Variants in MAB21L2 observed in about 807,000 individuals in gnomAD.
The protein encoded by MAB21L2 is mab-21 like 2.
A neutral mutation model predicts 29.8 loss-of-function variants in MAB21L2; 15 were observed. The ratio of observed to expected loss-of-function variants is 0.50; its 90% CI spans 0.34 to 0.78. MAB21L2 has a LOEUF of 0.78. Ranked by LOEUF, MAB21L2 falls within the 30% of genes least tolerant of loss-of-function variation. The probability of loss-of-function intolerance (pLI) is 0.01; values close to 1 mark genes in which losing one functional copy is unlikely to be tolerated. For missense variants in MAB21L2, 321 were observed against 480.1 expected (o/e 0.67, Z 3.10); for synonymous variants, 218 against 210.4 (o/e 1.04, Z -0.31).
In MAB21L2 at chr4:150,583,890, A is replaced by G. The variant is rs1367041488; in HGVS notation, c.861A>G (p.Arg287=). 6.2e-7 allele frequency: 1 copy of G among 1,613,542 alleles called. No homozygotes were observed. Among genetic ancestry groups the G allele is most frequent in the African/African-American group, 1.3e-5 (1 of 75,040 alleles). ...LLLYECEKHP[R]ETDWDESCLG... ...TGTACGAGTGCGAGAAACACCCACG[A>G]GAAACGGACTGGGACGAGTCGTGCC... The change falls in exon 1 of 1, where the codon CGA becomes CGG. Residue 287 remains arginine (R), a synonymous_variant. Transcript: ENST00000317605. This position sits in a 1 kb window ranked among gnomAD's most constrained non-coding sequence, Gnocchi z 9.8.
rs1581738987 is a variant in MAB21L2, at chr4:150,582,926, G to C, written c.-104G>C. The C allele has an allele frequency of 7.4e-7, 1 of 1,349,006 alleles. No homozygotes were observed. The highest frequency in any genetic ancestry group is 1.0e-6 in the Non-Finnish European group (1 of 988,098). 83.6% of individuals were successfully genotyped at this position (1,349,006 alleles called of 1,614,324 possible). ...GTGAAAGTAGGGCTTAACGGGGAGC[G>C]CACCGCCTCTTTCGAAAGCCGCTGG... On this transcript the variant is annotated 5_prime_UTR_variant, in exon 1 of 1. Coordinates refer to ENST00000317605, the MANE Select transcript of MAB21L2 (RefSeq NM_006439.5).
rs1215856940 is a variant in MAB21L2, at chr4:150,584,053, A to G, written c.1024A>G (p.Thr342Ala). 6.3e-7 allele frequency: 1 copy of G among 1,585,292 alleles called. No individual in the cohort carries two copies. Among genetic ancestry groups the G allele is most frequent in the East Asian group, 2.2e-5 (1 of 44,630 alleles). Residue 342 changes from threonine (T) to alanine (A), a missense_variant, in exon 1 of 1, where the codon ACC becomes GCC. Physicochemically the swap from Thr to Ala is moderately conservative, Grantham distance 58 (BLOSUM62 0). Transcript: ENST00000317605. ...HSALESAAKQTWRLAREILTN... is the reference protein window; with the variant it reads ...HSALESAAKQAWRLAREILTN... ...GGCCCTGGAGAGCGCTGCCAAGCAG[A>G]CCTGGAGGTTGGCCAGGGAAATTCT...
At position 150,582,516 on chromosome 4, in the gene MAB21L2, CGAA is replaced by C; in HGVS notation, c.-509_-507del. On this transcript the variant is annotated 5_prime_UTR_variant, in exon 1 of 1. Transcript: ENST00000317605. ...GAAGAAGGCACTCACCTACACTGAG[CGAA>C]GAAGTCCTATCAGCGTGGAAGAGAA... is the stretch of plus-strand genomic sequence containing the variant. 1 of 159,430 alleles carries C rather than the reference CGAA, an allele frequency of 6.3e-6. No homozygotes were observed. The highest frequency in any genetic ancestry group is 1.8e-4 in the South Asian group (1 of 5,710). The allele number at this position is 159,430 out of a possible 1,614,324, so 9.9% of individuals were successfully genotyped here.
Position 150,583,142 on chromosome 4 carries a change from T to C in MAB21L2, c.113T>C (p.Val38Ala). The change falls in exon 1 of 1, where the codon GTC becomes GCC. Residue 38 changes from valine to alanine, a missense_variant. By Grantham distance (64) the Val-to-Ala change is moderately conservative. Transcript: ENST00000317605. The surrounding 1 kb of genome is among the most constrained non-coding windows in gnomAD (Gnocchi z 9.8). The stretch of plus-strand genomic sequence containing the variant: ...ACCATCCGAGAGGTCTGTAAGGTGG[T>C]CTCGGACGTGCTCAAGGAAGTGGAG... ...AKTIREVCKV[V>A]SDVLKEVEVQ... 1 of 1,614,166 alleles carries C rather than the reference T, an allele frequency of 6.2e-7. No homozygotes were observed. The highest frequency in any genetic ancestry group is 2.2e-5 in the East Asian group (1 of 44,870).
rs1361492298 is a variant in MAB21L2, at chr4:150,582,934, T to C, written c.-96T>C. 1.4e-6 allele frequency: 2 copies of C among 1,447,964 alleles called. No homozygotes were observed. The highest frequency in any genetic ancestry group is 1.9e-6 in the Non-Finnish European group (2 of 1,076,498). 89.7% of individuals were successfully genotyped at this position (1,447,964 alleles called of 1,614,324 possible). ...AGGGCTTAACGGGGAGCGCACCGCCTCTTTCGAAAGCCGCTGGGCCACCAC... is the reference window on the plus strand; with the variant it reads ...AGGGCTTAACGGGGAGCGCACCGCCCCTTTCGAAAGCCGCTGGGCCACCAC... On this transcript the variant is annotated 5_prime_UTR_variant, in exon 1 of 1. Transcript: ENST00000317605.
In MAB21L2 at chr4:150,583,841, A is replaced by G; in HGVS notation, c.812A>G (p.Asn271Ser). 5.0e-6 allele frequency: 8 copies of G among 1,614,222 alleles called. No individual in the cohort carries two copies. Among genetic ancestry groups the G allele is most frequent in the Non-Finnish European group, 6.8e-6 (8 of 1,180,034 alleles). Residue 271 changes from asparagine to serine, a missense_variant, in exon 1 of 1, where the codon AAC becomes AGC. Transcript: ENST00000317605. The surrounding 1 kb of genome is among the most constrained non-coding windows in gnomAD (Gnocchi z 9.8). ...HLELPGQPLN[N>S]YHMKTLLLYE... ...GAGCTACCCGGCCAGCCGCTCAACAACTACCACATGAAGACGCTGCTGCTG... is the reference window on the plus strand; with the variant it reads ...GAGCTACCCGGCCAGCCGCTCAACAGCTACCACATGAAGACGCTGCTGCTG...
rs1771532925 is a variant in MAB21L2, at chr4:150,582,680, T to TC, written c.-347dup. 4.7e-6 allele frequency: 1 copy of TC among 213,360 alleles called. No individual in the cohort carries two copies. Among genetic ancestry groups the TC allele is most frequent in the Non-Finnish European group, 9.4e-6 (1 of 106,850 alleles). 13.2% of individuals were successfully genotyped at this position (213,360 alleles called of 1,614,324 possible). On this transcript the variant is annotated 5_prime_UTR_variant, in exon 1 of 1. Transcript: ENST00000317605. ...TAACCTTTTGGTATCCTGAGTTTTT[T>TC]CCCTCTCCTTCTCCTTCCTCACGCC...
In MAB21L2 at chr4:150,583,048, A is replaced by G. The variant is rs1771605681; in HGVS notation, c.19A>G (p.Lys7Glu). The G allele has an allele frequency of 6.2e-7, 1 of 1,604,754 alleles. No individual in the cohort carries two copies. Among genetic ancestry groups the G allele is most frequent in the South Asian group, 1.1e-5 (1 of 90,132 alleles). Residue 7 changes from lysine to glutamate, a missense_variant, in exon 1 of 1, where the codon AAG (lysine) becomes GAG (glutamate). Transcript: ENST00000317605. This position sits in a 1 kb window ranked among gnomAD's most constrained non-coding sequence, Gnocchi z 9.8. ...CCCCAACATGATCGCCGCTCAGGCC[A>G]AGCTGGTTTACCAGCTCAATAAGTA... MIAAQA[K>E]LVYQLNKYYT...
Position 150,582,826 on chromosome 4 carries a change from G to A in MAB21L2, c.-204G>A. 1 of 510,438 alleles carries A rather than the reference G, an allele frequency of 2.0e-6. No individual in the cohort carries two copies. Among genetic ancestry groups the A allele is most frequent in the Non-Finnish European group, 3.4e-6 (1 of 296,964 alleles). The allele number at this position is 510,438 out of a possible 1,614,324, so 31.6% of individuals were successfully genotyped here. A position where few individuals can be genotyped will look rare whatever the true frequency, so the allele number is the denominator to read the frequency against. On this transcript the variant is annotated 5_prime_UTR_variant, in exon 1 of 1. Coordinates refer to ENST00000317605, the MANE Select transcript of MAB21L2 (RefSeq NM_006439.5). Reference sequence around the variant, plus strand: ...CCCCTAATTCTTCTGCAGAAGAAAAGAGGTTTCGAAAGAGGGAAAAGGAAA... The same window carrying A: ...CCCCTAATTCTTCTGCAGAAGAAAAAAGGTTTCGAAAGAGGGAAAAGGAAA...
chr4:150,583,248 A>C lies in MAB21L2; in HGVS notation c.219A>C (p.Glu73Asp). The C allele has an allele frequency of 6.2e-7, 1 of 1,614,212 alleles. No homozygotes were observed. Among genetic ancestry groups the C allele is most frequent in the Non-Finnish European group, 8.5e-7 (1 of 1,180,042 alleles). The change falls in exon 1 of 1, where the codon GAA becomes GAC. Residue 73 changes from glutamate to aspartate, a missense_variant. Glu to Asp is a conservative substitution (Grantham distance 45). Transcript: ENST00000317605. The surrounding 1 kb of genome is among the most constrained non-coding windows in gnomAD (Gnocchi z 9.8). ...YEGLEVISPT[E>D]FEVVLYLNQM... is the part of the protein sequence containing the mutation. ...GGCTCGAGGTCATTTCGCCCACCGA[A>C]TTTGAGGTGGTGCTCTACCTAAACC... is the stretch of plus-strand genomic sequence containing the variant.
In MAB21L2 at chr4:150,584,118, G is replaced by T; in HGVS notation, c.*9G>T. ...GCCTGGACAAACTATAGGGTGCTGG[G>T]GACTGCTTGAAAAGCGACACAAACG... On this transcript the variant is annotated 3_prime_UTR_variant, in exon 1 of 1. Transcript: ENST00000317605. 6.6e-7 allele frequency: 1 copy of T among 1,512,982 alleles called. No individual in the cohort carries two copies. Among genetic ancestry groups the T allele is most frequent in the Non-Finnish European group, 8.8e-7 (1 of 1,131,276 alleles). The allele number at this position is 1,512,982 out of a possible 1,614,324, so 93.7% of individuals were successfully genotyped here. A position where few individuals can be genotyped will look rare whatever the true frequency, so the allele number is the denominator to read the frequency against.
In MAB21L2 at chr4:150,583,035, C is replaced by T. The variant is rs1320646029; in HGVS notation, c.6C>T (p.Ile2=). 3.1e-6 allele frequency: 5 copies of T among 1,589,912 alleles called. No homozygotes were observed. The Admixed American group carries it at 8.6e-5, about 27-fold the overall frequency. Reference sequence around the variant, plus strand: ...GCCCGGACCTGTGCCCCAACATGATCGCCGCTCAGGCCAAGCTGGTTTACC... The same window carrying T: ...GCCCGGACCTGTGCCCCAACATGATTGCCGCTCAGGCCAAGCTGGTTTACC... M[I]AAQAKLVYQL... is the part of the protein sequence containing the mutation. The change falls in exon 1 of 1, where the codon ATC becomes ATT. Residue 2 remains isoleucine, a synonymous_variant. Transcript: ENST00000317605. The surrounding 1 kb of genome is among the most constrained non-coding windows in gnomAD (Gnocchi z 9.8).
At position 150,583,543 on chromosome 4, in the gene MAB21L2, C is replaced by T; in HGVS notation, c.514C>T (p.Pro172Ser). Residue 172 changes from proline to serine, a missense_variant, in exon 1 of 1, where the codon CCG becomes TCG. Coordinates refer to ENST00000317605, the MANE Select transcript of MAB21L2 (RefSeq NM_006439.5). The surrounding 1 kb of genome is among the most constrained non-coding windows in gnomAD (Gnocchi z 9.8). ...IRERYVVQITPAFKCTGIWPR... is the reference protein window; with the variant it reads ...IRERYVVQITSAFKCTGIWPR... ...GGAGCGCTATGTGGTGCAAATCACT[C>T]CGGCGTTCAAGTGCACCGGGATCTG... The T allele has an allele frequency of 6.2e-7, 1 of 1,613,824 alleles. No homozygotes were observed. Among genetic ancestry groups the T allele is most frequent in the South Asian group, 1.1e-5 (1 of 91,060 alleles).
chr4:150,582,800 T>C lies in MAB21L2; in HGVS notation c.-230T>C, dbSNP rs921863884. ...TTTCTTTTTAGAAAATCACCTTTTC[T>C]CCCCTAATTCTTCTGCAGAAGAAAA... On this transcript the variant is annotated 5_prime_UTR_variant, in exon 1 of 1. Transcript: ENST00000317605. The C allele has an allele frequency of 1.9e-5, 9 of 467,568 alleles. No individual in the cohort carries two copies. The East Asian group carries it at 2.9e-4, about 15-fold the overall frequency. 29.0% of individuals were successfully genotyped at this position (467,568 alleles called of 1,614,324 possible).
Position 150,583,325 on chromosome 4 carries a change from T to C in MAB21L2, c.296T>C (p.Val99Ala). The C allele has an allele frequency of 6.2e-7, 1 of 1,614,220 alleles. No individual in the cohort carries two copies. The highest frequency in any genetic ancestry group is 8.5e-7 in the Non-Finnish European group (1 of 1,180,026). The change falls in exon 1 of 1, where the codon GTG becomes GCG. Residue 99 changes from valine (V) to alanine (A), a missense_variant. By Grantham distance (64) the Val-to-Ala change is moderately conservative (BLOSUM62 0). Coordinates refer to ENST00000317605, the MANE Select transcript of MAB21L2 (RefSeq NM_006439.5). This position sits in a 1 kb window ranked among gnomAD's most constrained non-coding sequence, Gnocchi z 9.8. ...VDDGSLPGCA[V>A]LKLSDGRKRS... is the part of the protein sequence containing the mutation. ...GACGGCTCGCTGCCCGGCTGCGCAG[T>C]GCTCAAACTGAGCGATGGGCGGAAG...
rs1771779260 is a variant in MAB21L2 at position 150,584,124 on chromosome 4, C to G, written c.*15C>G. On this transcript the variant is annotated 3_prime_UTR_variant, in exon 1 of 1. Transcript: ENST00000317605. Reference sequence around the variant, plus strand: ...ACAAACTATAGGGTGCTGGGGACTGCTTGAAAAGCGACACAAACGGGCGTG... The same window carrying G: ...ACAAACTATAGGGTGCTGGGGACTGGTTGAAAAGCGACACAAACGGGCGTG... The G allele has an allele frequency of 6.6e-7, 1 of 1,506,986 alleles. No individual in the cohort carries two copies. Among genetic ancestry groups the G allele is most frequent in the Non-Finnish European group, 8.9e-7 (1 of 1,128,054 alleles). 93.4% of individuals were successfully genotyped at this position (1,506,986 alleles called of 1,614,324 possible).
At position 150,584,235 on chromosome 4, in the gene MAB21L2, A is replaced by C. The variant is rs567573442; in HGVS notation, c.*126A>C. The C allele has an allele frequency of 2.8e-4, 310 of 1,090,614 alleles. 1 individual carries two copies. In the South Asian group the frequency reaches 8.7e-3, roughly 31 times the overall value. The allele number at this position is 1,090,614 out of a possible 1,614,324, so 67.6% of individuals were successfully genotyped here. On this transcript the variant is annotated 3_prime_UTR_variant, in exon 1 of 1. Coordinates refer to ENST00000317605, the MANE Select transcript of MAB21L2 (RefSeq NM_006439.5). ...AAGTCACCTGAAATAGGAATCCGGCAGAAGACCTTCATTAATTAAGAAGCA... is the reference window on the plus strand; with the variant it reads ...AAGTCACCTGAAATAGGAATCCGGCCGAAGACCTTCATTAATTAAGAAGCA...
chr4:150,583,101 G>C lies in MAB21L2; in HGVS notation c.72G>C (p.Lys24Asn), dbSNP rs778677707. The C allele has an allele frequency of 6.2e-7, 1 of 1,614,062 alleles. No homozygotes were observed. The highest frequency in any genetic ancestry group is 1.3e-5 in the African/African-American group (1 of 74,956). Residue 24 changes from lysine (K) to asparagine (N), a missense_variant, in exon 1 of 1, where the codon AAG becomes AAC. Physicochemically the swap from Lys to Asn is moderately conservative, Grantham distance 94 (BLOSUM62 0). Transcript: ENST00000317605. This position sits in a 1 kb window ranked among gnomAD's most constrained non-coding sequence, Gnocchi z 9.8. ...ACACTGAGCGCTGTCAGGCGCGCAAGGCGGCCATCGCCAAAACCATCCGAG... is the reference window on the plus strand; with the variant it reads ...ACACTGAGCGCTGTCAGGCGCGCAACGCGGCCATCGCCAAAACCATCCGAG... Reference protein sequence around the residue: ...KYYTERCQARKAAIAKTIREV... With the variant: ...KYYTERCQARNAAIAKTIREV...
In MAB21L2 at chr4:150,583,542, T is replaced by A. The variant is rs772032270; in HGVS notation, c.513T>A (p.Thr171=). The stretch of plus-strand genomic sequence containing the variant: ...GGGAGCGCTATGTGGTGCAAATCAC[T>A]CCGGCGTTCAAGTGCACCGGGATCT... The part of the protein sequence containing the change: ...RIRERYVVQI[T]PAFKCTGIWP... Residue 171 remains threonine (T), a synonymous_variant, in exon 1 of 1, where the codon ACT becomes ACA. Coordinates refer to ENST00000317605, the MANE Select transcript of MAB21L2 (RefSeq NM_006439.5). The surrounding 1 kb of genome is among the most constrained non-coding windows in gnomAD (Gnocchi z 9.8). 1 of 1,613,856 alleles carries A rather than the reference T, an allele frequency of 6.2e-7. No individual in the cohort carries two copies. The highest frequency in any genetic ancestry group is 1.3e-5 in the African/African-American group (1 of 75,058).
Sources: gnomAD v4.1 joint callset for allele counts on GRCh38, gnomAD v4.1.1 for gene constraint, Gnocchi (gnomAD v3.1) non-coding constraint, MANE v1.5 for transcripts, NCBI Gene and HGNC (gene_info 2026-07-23, HGNC 2026-07-21) for gene names.